IL31RA: variants seen among roughly 807,000 people sequenced by gnomAD.
IL31RA encodes interleukin-31 receptor subunit alpha.
In IL31RA, 66 loss-of-function variants were observed where a neutral mutation model predicts 83.7. The ratio of observed to expected loss-of-function variants is 0.79; its 90% confidence interval spans 0.65 to 0.97. The LOEUF (loss-of-function observed/expected upper bound fraction) is 0.97. Among genes scored for constraint, IL31RA ranks in the 50% least tolerant of loss-of-function variants. IL31RA has a pLI of 0.00. For synonymous variants in IL31RA, 325 were observed against 329.0 expected (o/e 0.99, Z 0.13); for missense variants, 798 against 919.4 (o/e 0.87, Z 1.71).
chr5:55,861,852 C>T (rs1163244779), intron 2 of IL31RA, among the ~76,000 whole-genome samples: 1 of 152,200 alleles, frequency 6.6e-6, no homozygotes, highest in African/African-American at 2.4e-5. Context: ...CTAGAATATC[C>T]TTCCCTTGGT....
At chr5:55,906,384 T>C (rs1459897883) in intron 9 of IL31RA, 96 bp downstream of exon 9, 5 of 1,143,550 alleles carry the variant, frequency 4.4e-6, no homozygotes, top group Non-Finnish European at 6.5e-6. Flanking sequence ...AAGCTGTTAG[T>C]GTGGTTAATA....
intron 4 of IL31RA, among the ~76,000 whole-genome samples, chr5:55,876,783 T>G (rs1456288822): frequency 3.3e-5 from 5 of 152,112 alleles, no homozygotes; most frequent in Non-Finnish European, 1.5e-5. Context: ...TTATTTTTTA[T>G]AGAGACTTGC....
At chr5:55,842,934 TG>T in the IL31RA span, among the ~76,000 whole-genome samples, 1 of 152,210 alleles carries the variant, frequency 6.6e-6, no homozygotes, top group African/African-American at 2.4e-5. Flanking sequence ...CTCTGTTACA[TG>T]CTCAGCTCTG....
chr5:55,910,427 C>T, intron 11 of IL31RA, 105 bp from the exon 12 acceptor site: 1 of 1,282,676 alleles, frequency 7.8e-7, no homozygotes, highest in Non-Finnish European at 1.1e-6. Flanking sequence ...TATGAGACAG[C>T]TGAGCTTGGA....
In IL31RA at chr5:55,896,298, C is replaced by T. The variant is rs1334056818; in HGVS notation, c.773-52C>T. The T allele has an allele frequency of 3.2e-6, 4 of 1,267,482 alleles. No individual in the cohort carries two copies. The African/African-American group carries it at 4.4e-5, about 14-fold the overall frequency. 78.5% of individuals were successfully genotyped at this position (1,267,482 alleles called of 1,614,324 possible). A position where few individuals can be genotyped will look rare whatever the true frequency, so the allele number is the denominator to read the frequency against. On this transcript the variant is annotated intron_variant, in intron 6 of 14. Coordinates refer to ENST00000652347, the MANE Select transcript of IL31RA (RefSeq NM_139017.7). ...CTGCCCAGCTAACCTTTCCTGTCTC[C>T]TCTGCAACTCCCTTATCTCTGGGTT...
intron 4 of IL31RA, 132 bp downstream of exon 4, chr5:55,872,583 C>A: frequency 1.4e-5 from 3 of 218,308 alleles, no homozygotes; most frequent in South Asian, 6.2e-5. Context: ...ACAGAAAATT[C>A]ATCTTCTAAT....
Position 55,909,707 on chromosome 5 carries a change from CT to C in IL31RA, c.1502-811del, listed in dbSNP as rs113348837. On this transcript the variant is annotated intron_variant, in intron 11 of 14. Transcript: ENST00000652347. ...ATGTAGTTTTTGCCCATTTGTATATCTTTTTTTTTTTTTTGAGACGGAGTTT... is the reference window on the plus strand; with the variant it reads ...ATGTAGTTTTTGCCCATTTGTATATCTTTTTTTTTTTTTGAGACGGAGTTT... 3.0e-3 allele frequency among the ~76,000 whole-genome samples: 435 copies of C among 143,310 alleles called. 3 individuals are homozygous for C. The highest frequency in any genetic ancestry group is 9.7e-3 in the African/African-American group (377 of 38,694). The allele number at this position is 143,310 out of a possible 152,430, so 94.0% of individuals were successfully genotyped here.
chr5:55,868,710 A>AC, intron 2 of IL31RA, 81 bp from the exon 3 acceptor site: 1 of 888,066 alleles, frequency 1.1e-6, no homozygotes, highest in Non-Finnish European at 1.9e-6. Context: ...CATATTTTCC[A>AC]TTAAAAATGT....
rs748279018 is a variant in IL31RA at position 55,918,991 on chromosome 5, G to T, written c.*1871G>T. On this transcript the variant is annotated 3_prime_UTR_variant, in exon 15 of 15. Transcript: ENST00000652347. ...CAAAAGAGATGCGTCCAATTCTCAT[G>T]CCGCCCCTGATGTCTGCTCTCCCTG... 6.6e-6 allele frequency among the ~76,000 whole-genome samples: 1 copy of T among 152,148 alleles called. No homozygotes were observed. Among genetic ancestry groups the T allele is most frequent in the Non-Finnish European group, 1.5e-5 (1 of 68,024 alleles).
At chr5:55,890,253 G>T in intron 6 of IL31RA, 118 bp downstream of exon 6, 8 of 997,152 alleles carry the variant, frequency 8.0e-6, no homozygotes, top group Non-Finnish European at 1.3e-5. Context: ...GACCCCAGGG[G>T]CCCCCTGTAC....
At chr5:55,848,625 C>T (rs1744988631), upstream of IL31RA, among the ~76,000 whole-genome samples, 1 of 152,110 alleles carries the variant, frequency 6.6e-6, no homozygotes, top group African/African-American at 2.4e-5. Context: ...CCATGATGAC[C>T]ATCCTTGATG....
intron 6 of IL31RA, 67 bp from the exon 7 acceptor site, chr5:55,896,283 A>G: frequency 9.1e-7 from 1 of 1,095,326 alleles, no homozygotes. Context: ...CTGCCCAGCT[A>G]ACCTTTCCTG....
chr5:55,909,978 A>T (rs1749400371), intron 11 of IL31RA, among the ~76,000 whole-genome samples: 3 of 152,324 alleles, frequency 2.0e-5, no homozygotes, highest in Admixed American at 2.0e-4. Context: ...TGCTGGGATG[A>T]CAGGCATGAG....
Position 55,851,607 on chromosome 5 carries a change from T to A in IL31RA, c.37T>A (p.Cys13Ser). 1.2e-6 allele frequency: 2 copies of A among 1,613,928 alleles called. No homozygotes were observed. Among genetic ancestry groups the A allele is most frequent in the South Asian group, 2.2e-5 (2 of 91,068 alleles). ...IRQLKFFTTACVCECPQNILS... is the reference protein window; with the variant it reads ...IRQLKFFTTASVCECPQNILS... ...GCAACTCAAGTTTTTCACCACGGCA[T>A]GTGTCTGTGAATGTCCGCAAAACAT... is the stretch of plus-strand genomic sequence containing the variant. The change falls in exon 1 of 15, where the codon TGT becomes AGT. Residue 13 changes from cysteine (C) to serine (S), a missense_variant. Cys to Ser is a moderately radical substitution (Grantham distance 112, BLOSUM62 -1). Coordinates refer to ENST00000652347, the MANE Select transcript of IL31RA (RefSeq NM_139017.7).
At chr5:55,874,860 A>G (rs1433268362) in intron 4 of IL31RA, among the ~76,000 whole-genome samples, 1 of 151,990 alleles carries the variant, frequency 6.6e-6, no homozygotes, top group Non-Finnish European at 1.5e-5. Flanking sequence ...GATACGTTTT[A>G]TTTTTCTTGA....
chr5:55,873,527 A>G (rs1335381606), intron 4 of IL31RA, among the ~76,000 whole-genome samples: 2 of 152,154 alleles, frequency 1.3e-5, no homozygotes, highest in African/African-American at 4.8e-5. Flanking sequence ...GGCAATTTAT[A>G]AAGGTTACAA....
chr5:55,898,799 G>T (rs1004580484), intron 7 of IL31RA, among the ~76,000 whole-genome samples: 2 of 152,002 alleles, frequency 1.3e-5, no homozygotes, highest in African/African-American at 4.8e-5. Flanking sequence ...CAAGGCATGG[G>T]GATCACTTGA....
At chr5:55,874,430 T>A (rs1746711313) in intron 4 of IL31RA, among the ~76,000 whole-genome samples, 1 of 152,110 alleles carries the variant, frequency 6.6e-6, no homozygotes, top group Non-Finnish European at 1.5e-5. Context: ...GCTTGTCAAT[T>A]TCTGCAGAGA....
intron 3 of IL31RA, among the ~76,000 whole-genome samples, chr5:55,870,033 T>C (rs556677557): frequency 6.6e-6 from 1 of 152,342 alleles, no homozygotes; most frequent in Non-Finnish European, 1.5e-5. Flanking sequence ...GTCAGAGAGA[T>C]GCTTTAAAAC....
Sources: gnomAD v4.1 joint callset for allele counts (sites outside exome capture counted in the v4.1 genomes callset) on GRCh38, gnomAD v4.1.1 for gene constraint, MANE v1.5 for transcripts, NCBI Gene and HGNC (gene_info 2026-07-23, HGNC 2026-07-21) for gene names.